MMS22L: variants seen among roughly 807,000 people sequenced by gnomAD.
The protein encoded by MMS22L is MMS22 like, DNA repair protein, also known as protein MMS22-like.
Under a neutral mutation model 159.1 loss-of-function variants are expected in MMS22L, and 74 were observed. The observed-to-expected ratio is 0.47, with a 90% CI of 0.39 to 0.56. MMS22L has a LOEUF of 0.56. Among genes scored for constraint, MMS22L ranks in the 20% least tolerant of loss-of-function variants. The pLI, the probability that MMS22L is intolerant of heterozygous loss-of-function variation, is 0.00. For synonymous variants in MMS22L, 517 were observed against 506.9 expected, an observed-to-expected ratio of 1.02 and a Z score of -0.27; for missense variants, 1,351 against 1,422.1, an observed-to-expected ratio of 0.95 and a Z score of 0.80.
chr6:97,245,090 G>A (rs533319955), intron 11 of MMS22L, among the ~76,000 whole-genome samples: 1 of 151,948 alleles, frequency 6.6e-6, no homozygotes, highest in Non-Finnish European at 1.5e-5. Flanking sequence ...CCAGGCCTCT[G>A]GTGTGCAGGG....
chr6:97,210,065 T>C (rs1808211386), intron 14 of MMS22L, among the ~76,000 whole-genome samples: 1 of 151,920 alleles, frequency 6.6e-6, no homozygotes, highest in African/African-American at 2.4e-5. Flanking sequence ...TCCTTTATCC[T>C]TCAGATGAAA....
intron 9 of MMS22L, among the ~76,000 whole-genome samples, chr6:97,258,156 T>C (rs1814029862): frequency 1.3e-5 from 2 of 152,220 alleles, no homozygotes; most frequent in Non-Finnish European, 2.9e-5. Context: ...GATATCCTTA[T>C]TGTATCAAAA....
intron 6 of MMS22L, 170 bp downstream of exon 6, chr6:97,272,534 A>T: frequency 1.7e-6 from 1 of 578,358 alleles, no homozygotes; most frequent in Non-Finnish European, 3.0e-6. Flanking sequence ...CTGAGGTGTC[A>T]TTTGCCCAAA....
Position 97,263,382 on chromosome 6 carries a change from G to A in MMS22L, c.895C>T (p.Leu299=), listed in dbSNP as rs1814706645. ...CTGTGGTCTAGAAGATGAATAAGTA[G>A]AACCCATAATTCTTTAATGCATAAA... The part of the protein sequence containing the change: ...PCLCIKELWV[L]LIHLLDHRSK... The change falls in exon 9 of 25, where the codon CTA becomes TTA. Residue 299 remains leucine, a synonymous_variant. Coordinates refer to ENST00000683635, the MANE Select transcript of MMS22L (RefSeq NM_001350599.2). 1.9e-6 allele frequency: 3 copies of A among 1,593,200 alleles called. No homozygotes were observed. The highest frequency in any genetic ancestry group is 2.6e-6 in the Non-Finnish European group (3 of 1,173,368).
chr6:97,163,373 G>C (rs1027152702), intron 21 of MMS22L, among the ~76,000 whole-genome samples: 27 of 151,934 alleles, frequency 1.8e-4, no homozygotes, highest in Admixed American at 1.7e-3. Context: ...TCAGATGAGG[G>C]AGTGCAGGAA....
chr6:97,265,184 A>G (rs1265613776), intron 8 of MMS22L: 1 of 152,226 alleles, frequency 6.6e-6, no homozygotes, highest in Non-Finnish European at 1.5e-5. Context: ...GTGTGCTGCT[A>G]GCACACAAAC....
At chr6:97,268,356 G>GT (rs1237081745) in intron 7 of MMS22L, among the ~76,000 whole-genome samples, 2 of 151,752 alleles carry the variant, frequency 1.3e-5, no homozygotes, top group Non-Finnish European at 2.9e-5. Context: ...GGCTAATTCT[G>GT]TTTTTGTATT....
Position 97,144,101 on chromosome 6 carries a change from AC to A in MMS22L, c.*2704del, listed in dbSNP as rs1383987149. The A allele has an allele frequency of 1.7e-5, 2 of 115,324 alleles. No individual in the cohort carries two copies. The highest frequency in any genetic ancestry group is 8.5e-5 in the Admixed American group (1 of 11,814). The allele number at this position is 115,324 out of a possible 1,614,324, so 7.1% of individuals were successfully genotyped here. On this transcript the variant is annotated 3_prime_UTR_variant, in exon 25 of 25. Coordinates refer to ENST00000683635, the MANE Select transcript of MMS22L (RefSeq NM_001350599.2). ...CTGCCTCAAAACAACAACAACAACA[AC>A]AACAAAAAAAAAAAAAAAAAAAAAA...
intron 16 of MMS22L, among the ~76,000 whole-genome samples, chr6:97,181,667 C>T (rs1341426332): frequency 2.0e-5 from 3 of 152,006 alleles, no homozygotes; most frequent in African/African-American, 7.2e-5. Flanking sequence ...CTTACAAAAA[C>T]AGTTTTGAAA....
In MMS22L at chr6:97,173,164, G is replaced by A; in HGVS notation, c.2738C>T (p.Thr913Ile). The stretch of plus-strand genomic sequence containing the variant: ...TTCACCAAGGTATTCCAAGGACTTT[G>A]TGACCATGGCAGATTTATCAGAAAG... ...QTLSDKSAMVTKSLEYLGEVL... is the reference protein window; with the variant it reads ...QTLSDKSAMVIKSLEYLGEVL... Residue 913 changes from threonine (T) to isoleucine (I), a missense_variant, in exon 19 of 25, where the codon ACA becomes ATA. By Grantham distance (89) the Thr-to-Ile change is moderately conservative. Coordinates refer to ENST00000683635, the MANE Select transcript of MMS22L (RefSeq NM_001350599.2). The A allele has an allele frequency of 6.2e-7, 1 of 1,613,478 alleles. No homozygotes were observed. Among genetic ancestry groups the A allele is most frequent in the Non-Finnish European group, 8.5e-7 (1 of 1,179,686 alleles).
chr6:97,208,101 G>A (rs1048356765), intron 14 of MMS22L, among the ~76,000 whole-genome samples: 8 of 152,086 alleles, frequency 5.3e-5, no homozygotes, highest in Admixed American at 4.6e-4. Flanking sequence ...ATTATTGCCT[G>A]ACTACATACA....
chr6:97,273,051 T>C lies in MMS22L; in HGVS notation c.352A>G (p.Thr118Ala), dbSNP rs1446720620. ...QSSCDFGKVSTLHCKADNIRQ... is the reference protein window; with the variant it reads ...QSSCDFGKVSALHCKADNIRQ... Reference sequence around the variant, plus strand: ...ATATTGTCTGCTTTGCAGTGTAGAGTTGATACCTTCCCTGAAACCAAAATA... The same window carrying C: ...ATATTGTCTGCTTTGCAGTGTAGAGCTGATACCTTCCCTGAAACCAAAATA... Residue 118 changes from threonine (T) to alanine (A), a missense_variant, in exon 5 of 25, where the codon ACT (threonine) becomes GCT (alanine). By Grantham distance (58) the Thr-to-Ala change is moderately conservative. Transcript: ENST00000683635. The C allele has an allele frequency of 6.2e-7, 1 of 1,606,218 alleles. No individual in the cohort carries two copies. The highest frequency in any genetic ancestry group is 8.5e-7 in the Non-Finnish European group (1 of 1,178,206).
intron 11 of MMS22L, among the ~76,000 whole-genome samples, chr6:97,234,368 C>T (rs1412825291): frequency 1.3e-5 from 2 of 152,218 alleles, no homozygotes; most frequent in Non-Finnish European, 2.9e-5. Flanking sequence ...TACTTAAGTA[C>T]TTGGTCAAAT....
intron 12 of MMS22L, among the ~76,000 whole-genome samples, chr6:97,232,381 A>G (rs1213692871): frequency 6.6e-6 from 1 of 152,002 alleles, no homozygotes; most frequent in Admixed American, 6.6e-5. Context: ...TTCTTAATTA[A>G]CTCATCAGAA....
intron 9 of MMS22L, among the ~76,000 whole-genome samples, chr6:97,262,994 T>A (rs1814660959): frequency 6.6e-6 from 1 of 152,204 alleles, no homozygotes; most frequent in Admixed American, 6.5e-5. Flanking sequence ...ACAAATCTTC[T>A]AAATCTGCCG....
rs760524272 is a variant in MMS22L at position 97,186,645 on chromosome 6, C to A, written c.2085G>T (p.Val695=). ...QLCQELQRDN[V]DLFVQSSLSA... ...ATAATGAAGACTGTACAAATAGGTC[C>A]ACATTGTCCCTTTGAAGTTCCTGAC... Residue 695 remains valine, a synonymous_variant, in exon 15 of 25, where the codon GTG becomes GTT. Coordinates refer to ENST00000683635, the MANE Select transcript of MMS22L (RefSeq NM_001350599.2). 1.3e-6 allele frequency: 2 copies of A among 1,587,480 alleles called. No individual in the cohort carries two copies. The highest frequency in any genetic ancestry group is 2.3e-5 in the South Asian group (2 of 86,842).
intron 11 of MMS22L, among the ~76,000 whole-genome samples, chr6:97,243,758 T>C (rs1812331041): frequency 6.6e-6 from 1 of 152,160 alleles, no homozygotes. Context: ...TGTTCTTTTG[T>C]ACTGCAGGGT....
At chr6:97,164,910 C>T (rs988075906) in intron 21 of MMS22L, among the ~76,000 whole-genome samples, 1 of 152,084 alleles carries the variant, frequency 6.6e-6, no homozygotes, top group African/African-American at 2.4e-5. Flanking sequence ...TGAGCCACCA[C>T]ACCCAGCCAA....
At chr6:97,148,185 T>G (rs559473517) in intron 24 of MMS22L, among the ~76,000 whole-genome samples, 91 of 152,296 alleles carry the variant, frequency 6.0e-4, no homozygotes, top group Non-Finnish European at 1.1e-3. Flanking sequence ...GATGCAGGTA[T>G]AAACAAACCT....
Sources: gnomAD v4.1 joint callset for allele counts (sites outside exome capture counted in the v4.1 genomes callset) on GRCh38, gnomAD v4.1.1 for gene constraint, MANE v1.5 for transcripts, NCBI Gene and HGNC (gene_info 2026-07-23, HGNC 2026-07-21) for gene names.